The following PHTF2 variants were observed in gnomAD, a reference collection of about 807,000 sequenced individuals.
PHTF2 encodes putative homeodomain transcription factor 2.
A neutral mutation model predicts 101.2 loss-of-function variants in PHTF2; 60 were observed. The ratio of observed to expected loss-of-function variants is 0.59; its 90% CI spans 0.48 to 0.73. The LOEUF (loss-of-function observed/expected upper bound fraction) is 0.73. Ranked by LOEUF, PHTF2 falls within the 30% of genes least tolerant of loss-of-function variation. PHTF2 has a pLI of 0.00. For missense variants in PHTF2, 747 were observed against 908.7 expected, an observed-to-expected ratio of 0.82 and a Z score of 2.29; for synonymous variants, 311 against 307.3, an observed-to-expected ratio of 1.01 and a Z score of -0.13.
intron 2 of PHTF2, among the ~76,000 whole-genome samples, chr7:77,850,560 T>G (rs935746093): frequency 6.7e-6 from 1 of 149,142 alleles, no homozygotes; most frequent in Non-Finnish European, 1.5e-5. Flanking sequence ...GAGAATCACT[T>G]GAGCCCAGGA....
intron 17 of PHTF2, among the ~76,000 whole-genome samples, chr7:77,950,431 C>T (rs531224597): frequency 6.6e-6 from 1 of 152,030 alleles, no homozygotes. Flanking sequence ...GAGGGTAAGG[C>T]AGGTGGATTA....
chr7:77,835,841 C>T (rs1233791274), intron 1 of PHTF2, among the ~76,000 whole-genome samples: 3 of 151,868 alleles, frequency 2.0e-5, no homozygotes, highest in Non-Finnish European at 4.4e-5. Flanking sequence ...GAAAATAGGC[C>T]GGGCACAGTG....
At chr7:77,875,286 T>G (rs925487638) in intron 3 of PHTF2, among the ~76,000 whole-genome samples, 5 of 152,130 alleles carry the variant, frequency 3.3e-5, no homozygotes, top group Non-Finnish European at 7.3e-5. Context: ...TACATAGATC[T>G]TCCACCTCCC....
chr7:77,893,875 G>A, intron 4 of PHTF2, 107 bp from the exon 4 acceptor site: 1 of 836,142 alleles, frequency 1.2e-6, no homozygotes, highest in East Asian at 2.5e-5. Flanking sequence ...TTTTAAAATT[G>A]AATTTCTAAT....
chr7:77,820,319 A>T (rs1401185227), intron 1 of PHTF2, among the ~76,000 whole-genome samples: 2 of 152,016 alleles, frequency 1.3e-5, no homozygotes, highest in South Asian at 4.2e-4. Flanking sequence ...TAGGTGTTCA[A>T]ATTTATTTGT....
chr7:77,812,593 CTT>C (rs1163639676), intron 1 of PHTF2, among the ~76,000 whole-genome samples: 8 of 143,318 alleles, frequency 5.6e-5, no homozygotes, highest in Non-Finnish European at 6.2e-5. Flanking sequence ...TCTTTTTTTA[CTT>C]TTTTTTTTTT....
chr7:77,840,275 A>T, exon 2 of PHTF2: 1 of 1,610,224 alleles, frequency 6.2e-7, no homozygotes, highest in Non-Finnish European at 8.5e-7. Context: ...AAAGTCACAG[A>T]TGCTATAGTC....
chr7:77,942,561 T>C (rs1000394119), intron 15 of PHTF2, 139 bp from the exon 15 acceptor site: 1 of 447,716 alleles, frequency 2.2e-6, no homozygotes, highest in African/African-American at 2.0e-5. Flanking sequence ...CCTAACAAAT[T>C]AGGTATATTC....
At chr7:77,943,162 C>T (rs1226858955) in intron 16 of PHTF2, among the ~76,000 whole-genome samples, 2 of 152,194 alleles carry the variant, frequency 1.3e-5, no homozygotes, top group Admixed American at 1.3e-4. Flanking sequence ...CGCTCTGTCG[C>T]GCAGGCGGAG....
intron 10 of PHTF2, among the ~76,000 whole-genome samples, chr7:77,921,951 T>C (rs942077547): frequency 6.6e-6 from 1 of 151,748 alleles, no homozygotes; most frequent in Non-Finnish European, 1.5e-5. Flanking sequence ...TTTGAAAAAA[T>C]AGTATAATAT....
At chr7:77,953,814 C>T in exon 19 of PHTF2, 1 of 1,612,834 alleles carries the variant, frequency 6.2e-7, no homozygotes, top group Non-Finnish European at 8.5e-7. Flanking sequence ...AATGAATCCG[C>T]TGCTTTATAA....
intron 2 of PHTF2, among the ~76,000 whole-genome samples, chr7:77,850,360 C>CAAAAAAAAAAAAAAAA (rs71082789): frequency 4.1e-4 from 18 of 44,390 alleles, no homozygotes; most frequent in African/African-American, 7.8e-4. Context: ...GACCTTGTCT[C>CAAAAAAAAAAAAAAAA]AAAAAAAAAA....
chr7:77,918,352 C>T (rs114110320), intron 9 of PHTF2, among the ~76,000 whole-genome samples: 1,869 of 152,250 alleles, frequency 0.012, 38 homozygotes, highest in African/African-American at 0.042. Context: ...AGTGTTCCAT[C>T]TTTCTTCCTA....
intron 2 of PHTF2, among the ~76,000 whole-genome samples, chr7:77,841,437 A>G (rs1281521387): frequency 6.6e-6 from 1 of 152,112 alleles, no homozygotes; most frequent in Admixed American, 6.6e-5. Context: ...AAAACACTTT[A>G]AAAGTTAGAC....
intron 3 of PHTF2, among the ~76,000 whole-genome samples, chr7:77,858,690 A>G (rs1167599210): frequency 2.7e-5 from 4 of 150,830 alleles, no homozygotes; most frequent in Non-Finnish European, 5.9e-5. Flanking sequence ...TATTACAGAT[A>G]CATATGTGTT....
intron 3 of PHTF2, among the ~76,000 whole-genome samples, chr7:77,875,356 C>T (rs994532882): frequency 6.6e-6 from 1 of 151,190 alleles, no homozygotes; most frequent in Non-Finnish European, 1.5e-5. Context: ...AAATCTATTC[C>T]TGTGTGTGTG....
chr7:77,871,540 A>T (rs561218900), intron 3 of PHTF2, among the ~76,000 whole-genome samples: 6 of 152,294 alleles, frequency 3.9e-5, no homozygotes, highest in African/African-American at 1.4e-4. Context: ...CTAGTGTATC[A>T]CTAGGGGTGA....
chr7:77,834,976 G>C (rs987274275), intron 1 of PHTF2, among the ~76,000 whole-genome samples: 1 of 152,078 alleles, frequency 6.6e-6, no homozygotes, highest in East Asian at 1.9e-4. Flanking sequence ...GCATTTTTTA[G>C]TCCAAAGGAA....
chr7:77,956,752 G>A (rs1199448703), exon 20 of PHTF2: 2 of 152,514 alleles, frequency 1.3e-5, no homozygotes, highest in Non-Finnish European at 2.9e-5. Flanking sequence ...CATGAGTTCT[G>A]TTAGGAATAA....
Sources: gnomAD v4.1 joint callset for allele counts (sites outside exome capture counted in the v4.1 genomes callset) on GRCh38, gnomAD v4.1.1 for gene constraint, MANE v1.5 for transcripts, NCBI Gene and HGNC (gene_info 2026-07-23, HGNC 2026-07-21) for gene names.